Variants in CD9 observed in about 807,000 individuals in gnomAD.
CD9 encodes the protein CD9 molecule.
CD9 carries 10 observed loss-of-function variants against 31.4 expected under a neutral mutation model. That is an observed-to-expected ratio of 0.32 (90% CI 0.20 to 0.54). The LOEUF is 0.54. Among genes scored for constraint, CD9 ranks in the 20% least tolerant of loss-of-function variants. The pLI is 0.94. For synonymous variants in CD9, 113 were observed against 114.1 expected, an observed-to-expected ratio of 0.99 and a Z score of 0.06; for missense variants, 259 against 300.1, an observed-to-expected ratio of 0.86 and a Z score of 1.01.
chr12:6,223,331 C>T (rs533516122), intron 1 of CD9, among the ~76,000 whole-genome samples: 42 of 151,806 alleles, frequency 2.8e-4, no homozygotes, highest in African/African-American at 9.2e-4. Flanking sequence ...GCGCAATCTC[C>T]GCTCACTGCA....
intron 1 of CD9, among the ~76,000 whole-genome samples, chr12:6,222,879 C>G (rs1946310161): frequency 6.6e-6 from 1 of 152,190 alleles, no homozygotes; most frequent in South Asian, 2.1e-4. Context: ...CTTGGCAGAC[C>G]TGGGATTGTT....
At chr12:6,214,210 A>G (rs1204365166) in intron 1 of CD9, among the ~76,000 whole-genome samples, 1 of 152,090 alleles carries the variant, frequency 6.6e-6, no homozygotes, top group Non-Finnish European at 1.5e-5. Flanking sequence ...GGATTCAGTG[A>G]GAGACTGTAC....
chr12:6,225,273 A>C, intron 1 of CD9, 153 bp from the exon 2 acceptor site: 1 of 612,090 alleles, frequency 1.6e-6, no homozygotes, highest in South Asian at 2.0e-5. Context: ...AATCAAACAC[A>C]CCCCGTAATG....
intron 1 of CD9, 196 bp downstream of exon 1, chr12:6,200,761 C>T: frequency 2.1e-6 from 1 of 470,944 alleles, no homozygotes; most frequent in Non-Finnish European, 3.7e-6. Context: ...CCGCGACGGG[C>T]GCATTCGGGT....
At position 6,221,204 on chromosome 12, in the gene CD9, C is replaced by T. The variant is rs190460196; in HGVS notation, c.67-4222C>T. 1.4e-4 allele frequency among the ~76,000 whole-genome samples: 22 copies of T among 152,324 alleles called. No homozygotes were observed. In the East Asian group the frequency reaches 3.9e-3, roughly 27 times the overall value. On this transcript the variant is annotated intron_variant, in intron 1 of 7. Transcript: ENST00000009180. ...TCTCGGCCCTCTCAAAGGGATGGAA[C>T]CATTTTTTGGCCAGATAGCAAAGGA...
intron 6 of CD9, chr12:6,235,782 G>T: frequency 7.2e-7 from 1 of 1,395,496 alleles, no homozygotes; most frequent in South Asian, 1.7e-5. Flanking sequence ...AAGTGTTCTG[G>T]CACCGCCCAC....
At chr12:6,233,075 G>T in intron 3 of CD9, 1 of 701,962 alleles carries the variant, frequency 1.4e-6, no homozygotes, top group Non-Finnish European at 2.6e-6. Context: ...GAGTGGATTC[G>T]CTCCCTTTAC....
chr12:6,202,099 A>G (rs1946084580), intron 1 of CD9, among the ~76,000 whole-genome samples: 1 of 152,174 alleles, frequency 6.6e-6, no homozygotes, highest in Admixed American at 6.5e-5. Flanking sequence ...AGGTCCCCAC[A>G]AGCCTCCTTA....
In CD9 at chr12:6,237,879, A is replaced by AT. The variant is rs754659137; in HGVS notation, c.*57dup. 21 of 1,369,356 alleles carry AT rather than the reference A, an allele frequency of 1.5e-5. No homozygotes were observed. The East Asian group carries it at 3.9e-4, about 26-fold the overall frequency. The allele number at this position is 1,369,356 out of a possible 1,614,324, so 84.8% of individuals were successfully genotyped here. A position where few individuals can be genotyped will look rare whatever the true frequency, so the allele number is the denominator to read the frequency against. ...AAGTTTACCCATGAAGATTGGTGGGATTTTTTGTTTGTTTGTTTTGTTTTG... is the reference window on the plus strand; with the variant it reads ...AAGTTTACCCATGAAGATTGGTGGGATTTTTTTGTTTGTTTGTTTTGTTTTG... On this transcript the variant is annotated 3_prime_UTR_variant, in exon 8 of 8. Transcript: ENST00000009180.
chr12:6,212,631 G>A (rs1433432993), intron 1 of CD9, among the ~76,000 whole-genome samples: 1 of 152,252 alleles, frequency 6.6e-6, no homozygotes, highest in Non-Finnish European at 1.5e-5. Context: ...TGTGCTTAGG[G>A]CACCAACAAT....
At chr12:6,221,497 A>G (rs1476828823) in intron 1 of CD9, among the ~76,000 whole-genome samples, 1 of 152,128 alleles carries the variant, frequency 6.6e-6, no homozygotes, top group Non-Finnish European at 1.5e-5. Flanking sequence ...AAGAAATTAC[A>G]TGGTCAGCAT....
intron 1 of CD9, among the ~76,000 whole-genome samples, chr12:6,214,818 G>A (rs1402602239): frequency 6.6e-6 from 1 of 152,082 alleles, no homozygotes; most frequent in Non-Finnish European, 1.5e-5. Context: ...AGCCTCTCAC[G>A]GGCCCACTGA....
intron 1 of CD9, among the ~76,000 whole-genome samples, chr12:6,209,007 C>CA (rs1302100517): frequency 2.6e-5 from 4 of 151,598 alleles, no homozygotes; most frequent in African/African-American, 9.7e-5. Context: ...CTCGCTCTGT[C>CA]ACCCAGGCTG....
chr12:6,226,585 GGA>G (rs1410092674), intron 2 of CD9, among the ~76,000 whole-genome samples: 2 of 152,158 alleles, frequency 1.3e-5, no homozygotes, highest in Non-Finnish European at 1.5e-5. Flanking sequence ...AACTGGGTAG[GGA>G]GAGTCTTTAA....
chr12:6,213,121 T>C (rs964305866), intron 1 of CD9, among the ~76,000 whole-genome samples: 66 of 152,356 alleles, frequency 4.3e-4, no homozygotes, highest in East Asian at 7.7e-4. Context: ...GTAAAGCTAT[T>C]ATATGGGCCT....
chr12:6,203,691 C>T (rs1339490661), intron 1 of CD9, among the ~76,000 whole-genome samples: 10 of 152,130 alleles, frequency 6.6e-5, no homozygotes, highest in Non-Finnish European at 1.3e-4. Context: ...CCTCCCTGCC[C>T]GCCTGCCCAC....
At chr12:6,204,889 T>C (rs925717895) in intron 1 of CD9, among the ~76,000 whole-genome samples, 4 of 152,210 alleles carry the variant, frequency 2.6e-5, no homozygotes, top group African/African-American at 9.6e-5. Context: ...CCTTCCTGTA[T>C]CAGTGCCAAC....
At chr12:6,221,883 T>A (rs1015422766) in intron 1 of CD9, among the ~76,000 whole-genome samples, 2 of 150,670 alleles carry the variant, frequency 1.3e-5, no homozygotes, top group Non-Finnish European at 2.9e-5. Flanking sequence ...TAATCCCAGC[T>A]ACTCAGGAGG....
intron 1 of CD9, 57 bp from the exon 2 acceptor site, chr12:6,225,369 G>T: frequency 8.8e-7 from 1 of 1,142,760 alleles, no homozygotes; most frequent in Non-Finnish European, 1.3e-6. Context: ...TAAGCGCGTG[G>T]GGACTGTGTT....
Sources: gnomAD v4.1 joint callset for allele counts (sites outside exome capture counted in the v4.1 genomes callset) on GRCh38, gnomAD v4.1.1 for gene constraint, MANE v1.5 for transcripts, NCBI Gene and HGNC (gene_info 2026-07-23, HGNC 2026-07-21) for gene names.